The following DPP10 variants were observed in gnomAD, a reference collection of about 807,000 sequenced individuals.
DPP10 encodes inactive dipeptidyl peptidase 10.
A neutral mutation model predicts 120.9 loss-of-function variants in DPP10; 33 were observed. The observed-to-expected ratio is 0.27, with a 90% confidence interval of 0.21 to 0.37. The LOEUF (loss-of-function observed/expected upper bound fraction) is 0.37, where lower values mean the gene tolerates loss of function less well. Among genes scored for constraint, DPP10 ranks in the 10% least tolerant of loss-of-function variants. The pLI is 1.00. For synonymous variants in DPP10, 337 were observed against 326.1 expected, an observed-to-expected ratio of 1.03 and a Z score of -0.36; for missense variants, 816 against 942.8, an observed-to-expected ratio of 0.87 and a Z score of 1.76.
Position 115,622,924 on chromosome 2 carries a change from G to A in DPP10, c.442-66763G>A, listed in dbSNP as rs188236917. ...GTGGCTCTATCTCTGCTCACTGCAA[G>A]CTCTGCCTCCCGGGTTCATGCCATT... On this transcript the variant is annotated intron_variant, in intron 5 of 25. Transcript: ENST00000410059. 3.4e-3 allele frequency among the ~76,000 whole-genome samples: 507 copies of A among 149,872 alleles called. 6 individuals are homozygous for A. Among genetic ancestry groups the A allele is most frequent in the Admixed American group, 5.6e-3 (84 of 14,928 alleles).
At chr2:115,198,170 G>C (rs1447580912) in intron 1 of DPP10, among the ~76,000 whole-genome samples, 2 of 152,144 alleles carry the variant, frequency 1.3e-5, no homozygotes, top group African/African-American at 4.8e-5. Context: ...ACATATGCCT[G>C]TCCTAAATGA....
intron 7 of DPP10, among the ~76,000 whole-genome samples, chr2:115,726,765 G>A (rs573329988): frequency 7.4e-4 from 113 of 152,218 alleles, no homozygotes; most frequent in African/African-American, 2.6e-3. Flanking sequence ...TTGTCACTGT[G>A]CACACCAAGA....
At chr2:115,330,737 A>G (rs1303434141) in intron 2 of DPP10, among the ~76,000 whole-genome samples, 1 of 152,114 alleles carries the variant, frequency 6.6e-6, no homozygotes. Context: ...CAAAGATCAG[A>G]TAGTTGTAGA....
intron 1 of DPP10, among the ~76,000 whole-genome samples, chr2:114,556,301 A>G (rs1281631214): frequency 1.4e-5 from 2 of 145,554 alleles, no homozygotes; most frequent in East Asian, 2.1e-4. Context: ...GAGTAAATAG[A>G]TAATAGATAG....
intron 1 of DPP10, among the ~76,000 whole-genome samples, chr2:115,201,443 A>G (rs2055712745): frequency 1.3e-5 from 2 of 152,334 alleles, no homozygotes; most frequent in Middle Eastern, 3.4e-3. Context: ...AGCCTGGGCT[A>G]CAGAGTGAGA....
At chr2:114,735,324 G>A (rs1374324535) in intron 1 of DPP10, among the ~76,000 whole-genome samples, 1 of 152,046 alleles carries the variant, frequency 6.6e-6, no homozygotes. Flanking sequence ...CCAAGCTTTG[G>A]CACCAGCGAA....
chr2:114,685,008 A>G (rs889875940), intron 1 of DPP10, among the ~76,000 whole-genome samples: 3 of 151,966 alleles, frequency 2.0e-5, no homozygotes, highest in Admixed American at 2.0e-4. Flanking sequence ...TTTCCTACAA[A>G]CTGAGTCAAA....
At chr2:114,995,609 TTA>T (rs1701029710) in intron 1 of DPP10, among the ~76,000 whole-genome samples, 1 of 152,120 alleles carries the variant, frequency 6.6e-6, no homozygotes, top group Non-Finnish European at 1.5e-5. Context: ...GTATAAAAAA[TTA>T]TATATTTTTT....
chr2:114,809,038 A>G (rs1276432896), intron 1 of DPP10, among the ~76,000 whole-genome samples: 1 of 152,018 alleles, frequency 6.6e-6, no homozygotes, highest in Admixed American at 6.6e-5. Context: ...TAATTAATTA[A>G]GTAATTGAGT....
At chr2:114,969,656 G>T (rs554517133) in intron 1 of DPP10, among the ~76,000 whole-genome samples, 22 of 152,272 alleles carry the variant, frequency 1.4e-4, no homozygotes, top group African/African-American at 5.3e-4. Context: ...AGCTATGTGT[G>T]ATGATGTGAC....
chr2:115,087,610 T>C (rs573765769), intron 1 of DPP10, among the ~76,000 whole-genome samples: 3 of 133,872 alleles, frequency 2.2e-5, no homozygotes, highest in East Asian at 4.5e-4. Context: ...TGGAGTGCAA[T>C]TGGCCCAATC....
intron 1 of DPP10, among the ~76,000 whole-genome samples, chr2:115,189,462 A>G (rs1573947661): frequency 6.6e-6 from 1 of 152,324 alleles, no homozygotes; most frequent in East Asian, 1.9e-4. Flanking sequence ...TACTGAAACT[A>G]GAGCCAAGGG....
chr2:115,656,861 C>T (rs965347363), intron 5 of DPP10, among the ~76,000 whole-genome samples: 1 of 151,592 alleles, frequency 6.6e-6, no homozygotes, highest in African/African-American at 2.4e-5. Context: ...TTCTTTCTTA[C>T]AGTTTATCAT....
intron 1 of DPP10, among the ~76,000 whole-genome samples, chr2:114,644,384 T>C (rs1429623459): frequency 6.6e-6 from 1 of 151,672 alleles, no homozygotes; most frequent in Non-Finnish European, 1.5e-5. Context: ...GTGTGTATTA[T>C]ATATACAACT....
At chr2:115,817,229 A>G (rs1048527473) in intron 21 of DPP10, among the ~76,000 whole-genome samples, 1 of 143,200 alleles carries the variant, frequency 7.0e-6, no homozygotes, top group Non-Finnish European at 1.5e-5. Flanking sequence ...CCTGGGCGAC[A>G]GAGCGAGACT....
intron 1 of DPP10, among the ~76,000 whole-genome samples, chr2:114,804,988 G>A (rs1460065066): frequency 6.6e-6 from 1 of 152,264 alleles, no homozygotes; most frequent in African/African-American, 2.4e-5. Context: ...TTGTGGGAGG[G>A]ACCCAGGGGC....
At chr2:115,274,566 C>T (rs548920365) in intron 1 of DPP10, among the ~76,000 whole-genome samples, 23 of 152,190 alleles carry the variant, frequency 1.5e-4, no homozygotes, top group Admixed American at 3.3e-4. Context: ...ATTTACACAG[C>T]GGAGGCTTTG....
intron 7 of DPP10, among the ~76,000 whole-genome samples, chr2:115,720,147 AC>A (rs946299764): frequency 8.5e-5 from 13 of 152,200 alleles, no homozygotes; most frequent in Non-Finnish European, 4.4e-5. Context: ...TTATTCTCCC[AC>A]CAGCAGTGCA....
intron 3 of DPP10, among the ~76,000 whole-genome samples, chr2:115,380,225 C>G (rs1029851386): frequency 1.4e-4 from 22 of 152,114 alleles, no homozygotes; most frequent in Non-Finnish European, 2.9e-4. Context: ...GCTTTATGAA[C>G]ATGGGTGCTC....
Sources: allele counts gnomAD v4.1 joint callset (sites outside exome capture counted in the v4.1 genomes callset), GRCh38; gene constraint gnomAD v4.1.1; transcripts MANE v1.5; gene names NCBI Gene and HGNC (gene_info 2026-07-23, HGNC 2026-07-21).